The following TPRG1 variants were observed in gnomAD, a reference collection of about 807,000 sequenced individuals.
TPRG1 encodes the protein tumor protein p63-regulated gene 1 protein.
In TPRG1, 29 loss-of-function variants were observed where a neutral mutation model predicts 29.3. That is an observed-to-expected ratio of 0.99 (90% CI 0.74 to 1.35). The LOEUF (loss-of-function observed/expected upper bound fraction) is 1.35. Ranked by LOEUF, TPRG1 falls within the 40% of genes most tolerant of loss-of-function variation. The probability of loss-of-function intolerance (pLI) is 0.00; values close to 1 mark genes in which losing one functional copy is unlikely to be tolerated. For missense variants in TPRG1, 327 were observed against 335.0 expected (o/e 0.98, Z 0.19); for synonymous variants, 130 against 116.8 (o/e 1.11, Z -0.73).
intron 1 of TPRG1, among the ~76,000 whole-genome samples, chr3:189,204,201 C>A (rs936786744): frequency 2.6e-5 from 4 of 152,110 alleles, no homozygotes; most frequent in African/African-American, 9.7e-5. Context: ...AAAAGGCTCC[C>A]AATGAGTTTG....
chr3:189,077,510 C>A (rs1488988237), intron 4 of TPRG1, among the ~76,000 whole-genome samples: 1 of 152,020 alleles, frequency 6.6e-6, no homozygotes. Context: ...GAAAAAGACA[C>A]AAGGAATTTT....
intron 4 of TPRG1, among the ~76,000 whole-genome samples, chr3:189,308,485 C>T (rs779735691): frequency 1.3e-5 from 2 of 152,216 alleles, no homozygotes; most frequent in Non-Finnish European, 2.9e-5. Context: ...TGAGAAGCCC[C>T]ACCCTTGGAG....
intron 4 of TPRG1, among the ~76,000 whole-genome samples, chr3:189,037,342 G>C (rs1714337279): frequency 6.6e-6 from 1 of 151,738 alleles, no homozygotes; most frequent in Non-Finnish European, 1.5e-5. Context: ...TTTCATATCA[G>C]AAGCTCTATC....
chr3:189,140,102 C>T (rs563089191), intron 3 of TPRG1, among the ~76,000 whole-genome samples: 12 of 152,194 alleles, frequency 7.9e-5, no homozygotes, highest in African/African-American at 1.2e-4. Context: ...GCTCTGTAGT[C>T]GTAAGCATAG....
At chr3:189,301,363 A>T (rs1720813437) in intron 4 of TPRG1, among the ~76,000 whole-genome samples, 1 of 150,450 alleles carries the variant, frequency 6.6e-6, no homozygotes, top group Non-Finnish European at 1.5e-5. Context: ...GCTAGCAAAT[A>T]TTGAATGCCT....
At chr3:189,210,034 T>TA (rs900767122) in intron 2 of TPRG1, among the ~76,000 whole-genome samples, 1 of 151,018 alleles carries the variant, frequency 6.6e-6, no homozygotes, top group Non-Finnish European at 1.5e-5. Flanking sequence ...ATGATAAACT[T>TA]AAAAAAAAAG....
chr3:189,253,834 C>T (rs1560609550), intron 4 of TPRG1, among the ~76,000 whole-genome samples: 2 of 152,110 alleles, frequency 1.3e-5, no homozygotes, highest in African/African-American at 4.8e-5. Flanking sequence ...TTTTGATCTA[C>T]GTTTCTCTAA....
intron 1 of TPRG1, among the ~76,000 whole-genome samples, chr3:189,108,795 G>T (rs1720129506): frequency 1.3e-5 from 2 of 152,088 alleles, no homozygotes; most frequent in African/African-American, 4.8e-5. Context: ...CTGTAAAAGA[G>T]AGTGCAATAA....
At chr3:189,122,421 A>G (rs1488335365) in intron 1 of TPRG1, among the ~76,000 whole-genome samples, 1 of 152,212 alleles carries the variant, frequency 6.6e-6, no homozygotes, top group Non-Finnish European at 1.5e-5. Flanking sequence ...CTGCTTTTAT[A>G]TTTCAAAATA....
intron 4 of TPRG1, among the ~76,000 whole-genome samples, chr3:189,032,150 G>A (rs1175995208): frequency 1.3e-5 from 2 of 152,166 alleles, no homozygotes; most frequent in African/African-American, 4.8e-5. Context: ...TGAACAATTT[G>A]AGTGGGCGCC....
intron 1 of TPRG1, among the ~76,000 whole-genome samples, chr3:189,116,032 T>A (rs1721123354): frequency 6.6e-6 from 1 of 152,168 alleles, no homozygotes; most frequent in Non-Finnish European, 1.5e-5. Context: ...TGCATGCTGT[T>A]GATGGAAATA....
chr3:189,137,246 G>A (rs112231417), intron 3 of TPRG1, among the ~76,000 whole-genome samples: 9 of 150,374 alleles, frequency 6.0e-5, no homozygotes, highest in African/African-American at 2.2e-4. Flanking sequence ...GAAGCCCAAA[G>A]TATCAACATT....
At chr3:189,106,725 C>T (rs1013751913) in intron 1 of TPRG1, among the ~76,000 whole-genome samples, 2 of 152,086 alleles carry the variant, frequency 1.3e-5, no homozygotes, top group Non-Finnish European at 2.9e-5. Flanking sequence ...TTCTTCTTTG[C>T]TTACATTTGT....
chr3:189,126,872 G>A (rs1297330065), intron 1 of TPRG1, among the ~76,000 whole-genome samples: 9 of 151,908 alleles, frequency 5.9e-5, no homozygotes, highest in East Asian at 5.8e-4. Context: ...TTATTCACAC[G>A]ATTTCATTGT....
intron 5 of TPRG1, among the ~76,000 whole-genome samples, chr3:189,315,074 A>G (rs894266932): frequency 2.0e-5 from 3 of 152,298 alleles, no homozygotes; most frequent in Admixed American, 6.5e-5. Context: ...TAAGCCCAGG[A>G]GTTCGAGTCT....
intron 4 of TPRG1, among the ~76,000 whole-genome samples, chr3:189,058,208 G>C (rs1715862713): frequency 6.6e-6 from 1 of 152,040 alleles, no homozygotes; most frequent in Non-Finnish European, 1.5e-5. Context: ...GAAGAGCGAG[G>C]TCCCAGCGAT....
intron 4 of TPRG1, among the ~76,000 whole-genome samples, chr3:189,268,157 G>C (rs1035103066): frequency 6.6e-6 from 1 of 152,212 alleles, no homozygotes; most frequent in African/African-American, 2.4e-5. Context: ...ATCACATGCT[G>C]TGATGAACAG....
intron 4 of TPRG1, among the ~76,000 whole-genome samples, chr3:189,070,255 G>A (rs988454392): frequency 6.6e-5 from 10 of 152,152 alleles, no homozygotes; most frequent in East Asian, 3.8e-4. Flanking sequence ...CCAGGGAGTC[G>A]TGATGAAAGA....
At chr3:189,216,344 C>T (rs776030253) in intron 3 of TPRG1, among the ~76,000 whole-genome samples, 5 of 152,070 alleles carry the variant, frequency 3.3e-5, no homozygotes, top group Non-Finnish European at 5.9e-5. Flanking sequence ...TTCAGGAGGG[C>T]AACACTTGAA....
Sources: allele counts gnomAD v4.1 joint callset (sites outside exome capture counted in the v4.1 genomes callset), GRCh38; gene constraint gnomAD v4.1.1; transcripts MANE v1.5; gene names NCBI Gene and HGNC (gene_info 2026-07-23, HGNC 2026-07-21).